PRPF8: variants seen among roughly 807,000 people sequenced by gnomAD.
PRPF8 encodes pre-mRNA processing factor 8.
Under a neutral mutation model 285.9 loss-of-function variants are expected in PRPF8, and 64 were observed. The observed-to-expected ratio is 0.22, with a 90% CI of 0.18 to 0.28. PRPF8 has a LOEUF of 0.28. Among genes scored for constraint, PRPF8 ranks in the 10% least tolerant of loss-of-function variants. The probability of loss-of-function intolerance (pLI) is 1.00; values close to 1 mark genes in which losing one functional copy is unlikely to be tolerated. For synonymous variants in PRPF8, 1,325 were observed against 1,118.2 expected (o/e 1.18, Z -3.69); for missense variants, 1,426 against 3,026.7 (o/e 0.47, Z 12.41).
chr17:1,661,802 T>C lies in PRPF8; in HGVS notation c.4023-12A>G. Reference sequence around the variant, plus strand: ...TCTGTTTGGACCACCTGTTTGGGTGTACAACCAAGATTACAGAAAAAATAA... The same window carrying C: ...TCTGTTTGGACCACCTGTTTGGGTGCACAACCAAGATTACAGAAAAAATAA... On this transcript the variant is annotated splice_polypyrimidine_tract_variant and intron_variant, in intron 25 of 42. Transcript: ENST00000304992. This position sits in a 1 kb window ranked among gnomAD's most constrained non-coding sequence, Gnocchi z 7.3. 1 of 1,614,170 alleles carries C rather than the reference T, an allele frequency of 6.2e-7. No homozygotes were observed.
chr17:1,671,938 G>A (rs1038789465), intron 24 of PRPF8, among the ~76,000 whole-genome samples: 9 of 152,002 alleles, frequency 5.9e-5, no homozygotes, highest in African/African-American at 2.2e-4. Flanking sequence ...GGAGGCTGAG[G>A]TGTGAGGATC....
intron 24 of PRPF8, among the ~76,000 whole-genome samples, chr17:1,671,604 T>C (rs1049574284): frequency 6.6e-6 from 1 of 151,544 alleles, no homozygotes; most frequent in Non-Finnish European, 1.5e-5. Flanking sequence ...GTAATCCCAG[T>C]ACTTTGGGAG....
At position 1,674,657 on chromosome 17, in the gene PRPF8, A is replaced by G. The variant is rs75163090; in HGVS notation, c.3084T>C (p.Tyr1028=). 5.6e-4 allele frequency: 903 copies of G among 1,613,996 alleles called. 1 individual carries two copies. Among genetic ancestry groups the G allele is most frequent in the East Asian group, 3.5e-3 (155 of 44,886 alleles). Residue 1028 remains tyrosine, a synonymous_variant, in exon 21 of 43, where the codon TAT becomes TAC. Coordinates refer to ENST00000304992, the MANE Select transcript of PRPF8 (RefSeq NM_006445.4). ...NYKDMNHTNS[Y]GIIRGLQFAS... is the part of the protein sequence containing the mutation. ...CAAACTGCAGGCCTCTGATGATCCC[A>G]TATGAATTCGTATGGTTCATGTCCT...
In PRPF8 at chr17:1,659,559, A is replaced by T. The variant is rs373613036; in HGVS notation, c.4947-11T>A. On this transcript the variant is annotated splice_polypyrimidine_tract_variant and intron_variant, in intron 31 of 42. Transcript: ENST00000304992. This position sits in a 1 kb window ranked among gnomAD's most constrained non-coding sequence, Gnocchi z 5.1. ...CTGTCCATCACATCCCTGAGGATGA[A>T]GAGGGTTCAAGCTTCTAAGAAACCA... The T allele has an allele frequency of 3.7e-6, 6 of 1,612,208 alleles. No individual in the cohort carries two copies. The African/African-American group carries it at 6.8e-5, about 18-fold the overall frequency.
chr17:1,654,556 G>A (rs572686244), intron 37 of PRPF8: 1 of 223,048 alleles, frequency 4.5e-6, no homozygotes, highest in African/African-American at 2.3e-5. Flanking sequence ...TCAGACTGAA[G>A]CCCTAAAACA....
chr17:1,676,108 G>C lies in PRPF8; in HGVS notation c.2553-54C>G. Reference sequence around the variant, plus strand: ...GGAAAACTAGGAGGAAGTAAAACCAGGAAAGACTGGGGCTACACCTTCTTT... The same window carrying C: ...GGAAAACTAGGAGGAAGTAAAACCACGAAAGACTGGGGCTACACCTTCTTT... On this transcript the variant is annotated intron_variant, in intron 17 of 42. Coordinates refer to ENST00000304992, the MANE Select transcript of PRPF8 (RefSeq NM_006445.4). This position sits in a 1 kb window ranked among gnomAD's most constrained non-coding sequence, Gnocchi z 6.3. 1.2e-6 allele frequency: 2 copies of C among 1,612,148 alleles called. No individual in the cohort carries two copies. Among genetic ancestry groups the C allele is most frequent in the South Asian group, 2.2e-5 (2 of 90,996 alleles).
intron 34 of PRPF8, among the ~76,000 whole-genome samples, chr17:1,657,606 A>G (rs1209813768): frequency 6.9e-6 from 1 of 145,782 alleles, no homozygotes; most frequent in Non-Finnish European, 1.5e-5. Flanking sequence ...AAATCAGGCC[A>G]CTGCATTCCA....
chr17:1,682,949 C>A, intron 3 of PRPF8: 3 of 190,010 alleles, frequency 1.6e-5, no homozygotes, highest in South Asian at 1.9e-4. Flanking sequence ...TGCACAGTAT[C>A]CCACTCTGGA....
chr17:1,662,582 C>T (rs1911725488), intron 24 of PRPF8, among the ~76,000 whole-genome samples: 1 of 143,880 alleles, frequency 7.0e-6, no homozygotes, highest in Non-Finnish European at 1.5e-5. Context: ...CAGCGAGACT[C>T]CATCTCAGGG....
At chr17:1,678,929 C>T (rs368757931) in intron 11 of PRPF8, 48 bp from the exon 12 acceptor site, 185 of 1,613,748 alleles carry the variant, frequency 1.1e-4, no homozygotes, top group Non-Finnish European at 1.5e-4. Context: ...GCAATGGACC[C>T]AACTGATGTA....
intron 37 of PRPF8, chr17:1,654,222 T>C (rs989823776): frequency 1.4e-6 from 1 of 710,702 alleles, no homozygotes; most frequent in Non-Finnish European, 2.5e-6. Context: ...GCACACTGCG[T>C]GTGCACCTTC....
At chr17:1,660,162 G>C (rs760828657) in intron 30 of PRPF8, among the ~76,000 whole-genome samples, 161 bp from the exon 31 acceptor site, 1 of 150,698 alleles carries the variant, frequency 6.6e-6, no homozygotes, top group Non-Finnish European at 1.5e-5. Flanking sequence ...TGTACAGCAC[G>C]CTCTCCCCGC....
intron 24 of PRPF8, among the ~76,000 whole-genome samples, chr17:1,671,098 C>A (rs761991563): frequency 6.6e-6 from 1 of 152,140 alleles, no homozygotes; most frequent in South Asian, 2.1e-4. Flanking sequence ...CTCCAGCAAA[C>A]CTTGAACTTT....
Position 1,658,387 on chromosome 17 carries a change from G to A in PRPF8, c.5377-6C>T, listed in dbSNP as rs763820467. Reference sequence around the variant, plus strand: ...GTCAAGTTCCCTTCAAAGGTCTAGAGGAGGACGGCATTCGTTAGCATGGCC... The same window carrying A: ...GTCAAGTTCCCTTCAAAGGTCTAGAAGAGGACGGCATTCGTTAGCATGGCC... On this transcript the variant is annotated splice_region_variant and splice_polypyrimidine_tract_variant and intron_variant, in intron 33 of 42. Transcript: ENST00000304992. This position sits in a 1 kb window ranked among gnomAD's most constrained non-coding sequence, Gnocchi z 4.1. 6.2e-6 allele frequency: 10 copies of A among 1,614,066 alleles called. No homozygotes were observed. Among genetic ancestry groups the A allele is most frequent in the Non-Finnish European group, 8.5e-6 (10 of 1,180,036 alleles).
Position 1,675,851 on chromosome 17 carries a change from C to T in PRPF8, c.2680-39G>A, listed in dbSNP as rs1357103940. On this transcript the variant is annotated intron_variant, in intron 18 of 42. Coordinates refer to ENST00000304992, the MANE Select transcript of PRPF8 (RefSeq NM_006445.4). This position sits in a 1 kb window ranked among gnomAD's most constrained non-coding sequence, Gnocchi z 6.0. Reference sequence around the variant, plus strand: ...AGGCTGGTTCACACCAATCCACCAACTGCTACCTTTGGTAGAACCAAAGGC... The same window carrying T: ...AGGCTGGTTCACACCAATCCACCAATTGCTACCTTTGGTAGAACCAAAGGC... The T allele has an allele frequency of 3.1e-6, 5 of 1,605,946 alleles. No homozygotes were observed. The African/African-American group carries it at 5.3e-5, about 17-fold the overall frequency.
At position 1,678,551 on chromosome 17, in the gene PRPF8, G is replaced by T; in HGVS notation, c.1821C>A (p.Asp607Glu). 1.9e-6 allele frequency: 3 copies of T among 1,614,174 alleles called. No individual in the cohort carries two copies. Among genetic ancestry groups the T allele is most frequent in the Non-Finnish European group, 2.5e-6 (3 of 1,180,032 alleles). The change falls in exon 13 of 43, where the codon GAC becomes GAA. Residue 607 changes from aspartate (D) to glutamate (E), a missense_variant. Transcript: ENST00000304992. ...KLMRQIRMCK[D>E]LKHLIYYRFN... ...AACGATAATAGATGAGATGCTTCAG[G>T]TCCTTGCACATGCGAATCTGTCGCA... is the stretch of plus-strand genomic sequence containing the variant.
At chr17:1,668,901 C>G (rs1203266802) in intron 24 of PRPF8, among the ~76,000 whole-genome samples, 1 of 152,138 alleles carries the variant, frequency 6.6e-6, no homozygotes, top group Non-Finnish European at 1.5e-5. Context: ...TACCCTAATA[C>G]CATGAAATTC....
rs1020700965 is a variant in PRPF8, at chr17:1,679,859, G to A, written c.1099-60C>T. 26 of 1,587,036 alleles carry A rather than the reference G, an allele frequency of 1.6e-5. No individual in the cohort carries two copies. In the African/African-American group the frequency reaches 2.4e-4, roughly 15 times the overall value. On this transcript the variant is annotated intron_variant, in intron 8 of 42. Transcript: ENST00000304992. The surrounding 1 kb of genome is among the most constrained non-coding windows in gnomAD (Gnocchi z 4.7). ...GCTGAACTAGGCACAGACTTAAGAT[G>A]AGGGAAATTCTCTGGGGCCAAGCAC...
rs1368787325 is a variant in PRPF8 at position 1,654,407 on chromosome 17, C to T, written c.5988-391G>A. The T allele has an allele frequency of 2.4e-5, 9 of 367,464 alleles. No homozygotes were observed. In the East Asian group the frequency reaches 2.5e-4, roughly 10 times the overall value. The allele number at this position is 367,464 out of a possible 1,614,324, so 22.8% of individuals were successfully genotyped here. Reference sequence around the variant, plus strand: ...GTTGCCACGATGACAGGGAGGGAGACGAGGGGAGGAAGGTGTGTGTGTGTG... The same window carrying T: ...GTTGCCACGATGACAGGGAGGGAGATGAGGGGAGGAAGGTGTGTGTGTGTG... On this transcript the variant is annotated intron_variant, in intron 37 of 42. Transcript: ENST00000304992.
Sources: allele counts gnomAD v4.1 joint callset (sites outside exome capture counted in the v4.1 genomes callset), GRCh38; gene constraint gnomAD v4.1.1; non-coding constraint Gnocchi (gnomAD v3.1); transcripts MANE v1.5; gene names NCBI Gene and HGNC (gene_info 2026-07-23, HGNC 2026-07-21).